The following ZSWIM4 variants were observed in gnomAD, a reference collection of about 807,000 sequenced individuals.
ZSWIM4 encodes zinc finger SWIM domain-containing protein 4.
ZSWIM4 carries 62 observed loss-of-function variants against 102.5 expected under a neutral mutation model. The ratio of observed to expected loss-of-function variants is 0.60; its 90% CI spans 0.49 to 0.75. ZSWIM4 has a LOEUF of 0.75. Among genes scored for constraint, ZSWIM4 ranks in the 30% least tolerant of loss-of-function variants. ZSWIM4 has a pLI of 0.00. For missense variants in ZSWIM4, 1,280 were observed against 1,529.6 expected (o/e 0.84, Z 2.72); for synonymous variants, 652 against 674.5 (o/e 0.97, Z 0.52).
Position 13,817,261 on chromosome 19 carries a change from GGGT to G in ZSWIM4, c.1580_1582del (p.Val527del), listed in dbSNP as rs765622673. On this transcript the variant is annotated inframe_deletion, in exon 8 of 14. Coordinates refer to ENST00000590508, the MANE Select transcript of ZSWIM4 (RefSeq NM_001367834.3). Reference sequence around the variant, plus strand: ...ACCTGCATCACCAACACCGAAGGATGGGTGGGGCACCCCCTGGACCCCATTGGC... The same window carrying G: ...ACCTGCATCACCAACACCGAAGGATGGGGGCACCCCCTGGACCCCATTGGC... 2 of 1,613,982 alleles carry G rather than the reference GGGT, an allele frequency of 1.2e-6. No individual in the cohort carries two copies. Among genetic ancestry groups the G allele is most frequent in the Non-Finnish European group, 1.7e-6 (2 of 1,179,882 alleles).
intron 3 of ZSWIM4, among the ~76,000 whole-genome samples, chr19:13,807,194 G>C (rs997594060): frequency 3.9e-5 from 6 of 151,996 alleles, no homozygotes; most frequent in Admixed American, 1.3e-4. Context: ...GGGTGAGTGG[G>C]CAGATAGATC....
At chr19:13,802,074 C>G (rs1974786609) in intron 2 of ZSWIM4, among the ~76,000 whole-genome samples, 1 of 150,454 alleles carries the variant, frequency 6.6e-6, no homozygotes, top group East Asian at 2.0e-4. Context: ...TTCCTGGGTT[C>G]ACACCATTCT....
chr19:13,812,875 C>A, intron 5 of ZSWIM4, 122 bp from the exon 6 acceptor site: 1 of 1,118,170 alleles, frequency 8.9e-7, no homozygotes, highest in Non-Finnish European at 1.3e-6. Context: ...CTGCGAGTTG[C>A]AACTTCCGAG....
At chr19:13,803,124 G>A (rs1568327851) in intron 2 of ZSWIM4, among the ~76,000 whole-genome samples, 1 of 152,230 alleles carries the variant, frequency 6.6e-6, no homozygotes, top group Non-Finnish European at 1.5e-5. Context: ...CTGATATGAT[G>A]CCCCGTCGGC....
chr19:13,831,212 G>C lies in ZSWIM4; in HGVS notation c.*162G>C. 1 of 898,544 alleles carries C rather than the reference G, an allele frequency of 1.1e-6. No homozygotes were observed. Among genetic ancestry groups the C allele is most frequent in the Non-Finnish European group, 1.6e-6 (1 of 613,800 alleles). 55.7% of individuals were successfully genotyped at this position (898,544 alleles called of 1,614,324 possible). A position where few individuals can be genotyped will look rare whatever the true frequency, so the allele number is the denominator to read the frequency against. On this transcript the variant is annotated 3_prime_UTR_variant, in exon 14 of 14. Coordinates refer to ENST00000590508, the MANE Select transcript of ZSWIM4 (RefSeq NM_001367834.3). ...GCAGCATCCTGCCACGTGTGTGCCT[G>C]GGAGTCTGTGAGCAAGTGTGCAAGA...
Position 13,830,457 on chromosome 19 carries a change from C to T in ZSWIM4, c.2728C>T (p.Leu910=). Residue 910 remains leucine (L), a synonymous_variant, in exon 14 of 14, where the codon CTG becomes TTG. Transcript: ENST00000590508. ...SAFEAAYQIV[L]DAAAGGLGHA... is the part of the protein sequence containing the mutation. ...CTTCGAGGCGGCCTACCAGATCGTGCTGGACGCGGCGGCCGGCGGCCTGGG... is the reference window on the plus strand; with the variant it reads ...CTTCGAGGCGGCCTACCAGATCGTGTTGGACGCGGCGGCCGGCGGCCTGGG... The T allele has an allele frequency of 1.2e-6, 2 of 1,605,928 alleles. No homozygotes were observed. Among genetic ancestry groups the T allele is most frequent in the Non-Finnish European group, 1.7e-6 (2 of 1,179,834 alleles).
intron 9 of ZSWIM4, 63 bp from the exon 10 acceptor site, chr19:13,819,294 G>C: frequency 6.3e-7 from 1 of 1,598,306 alleles, no homozygotes; most frequent in East Asian, 2.2e-5. Context: ...GGGGTCTAGT[G>C]AGACCTGGGG....
intron 5 of ZSWIM4, among the ~76,000 whole-genome samples, chr19:13,811,969 G>A (rs1446880601): frequency 6.6e-6 from 1 of 151,968 alleles, no homozygotes; most frequent in Non-Finnish European, 1.5e-5. Flanking sequence ...CAGCTACTTG[G>A]GAGGCTGAGG....
In ZSWIM4 at chr19:13,814,533, A is replaced by C; in HGVS notation, c.1199A>C (p.Glu400Ala). 8.6e-7 allele frequency: 1 copy of C among 1,159,098 alleles called. No homozygotes were observed. Among genetic ancestry groups the C allele is most frequent in the Non-Finnish European group, 1.1e-6 (1 of 919,930 alleles). The allele number at this position is 1,159,098 out of a possible 1,614,324, so 71.8% of individuals were successfully genotyped here. Residue 400 changes from glutamate (E) to alanine (A), a missense_variant, in exon 7 of 14, where the codon GAG (glutamate) becomes GCG (alanine). Glu to Ala is a moderately radical substitution (Grantham distance 107, BLOSUM62 -1). Transcript: ENST00000590508. ...APAPGSEEEE[E>A]VAATSPRHTV... The stretch of plus-strand genomic sequence containing the variant: ...TCTGCAGGCTCGGAGGAAGAGGAAG[A>C]GGTGGCAGCCACAAGTCCCCGCCAC...
At chr19:13,808,723 G>C (rs1974983706) in intron 3 of ZSWIM4, 113 bp from the exon 4 acceptor site, 1 of 1,171,254 alleles carries the variant, frequency 8.5e-7, no homozygotes, top group South Asian at 1.7e-5. Flanking sequence ...TGGGCAAGAA[G>C]AGCCAAACTC....
chr19:13,819,083 C>T (rs1267660020), intron 9 of ZSWIM4, among the ~76,000 whole-genome samples: 1 of 151,926 alleles, frequency 6.6e-6, no homozygotes, highest in Non-Finnish European at 1.5e-5. Flanking sequence ...CCAGGATGGT[C>T]TCGAACTCCT....
intron 8 of ZSWIM4, 92 bp downstream of exon 8, chr19:13,817,445 G>A (rs1975323989): frequency 3.3e-6 from 5 of 1,510,344 alleles, no homozygotes; most frequent in Non-Finnish European, 4.5e-6. Context: ...GTAACTCCCA[G>A]ACTCTGACCC....
intron 7 of ZSWIM4, among the ~76,000 whole-genome samples, 178 bp from the exon 8 acceptor site, chr19:13,817,038 C>T (rs1403638663): frequency 6.6e-6 from 1 of 152,094 alleles, no homozygotes; most frequent in Non-Finnish European, 1.5e-5. Flanking sequence ...CACTGCACTC[C>T]AGCCTGGGCA....
At position 13,809,126 on chromosome 19, in the gene ZSWIM4, G is replaced by T; in HGVS notation, c.918G>T (p.Met306Ile). Reference protein sequence around the residue: ...DSNGARMLILMTEQFLQDTRL... With the variant: ...DSNGARMLILITEQFLQDTRL... Reference sequence around the variant, plus strand: ...ACGGGGCGCGCATGCTGATTCTCATGACCGAGCAGTTCCTGCAGGACACGC... The same window carrying T: ...ACGGGGCGCGCATGCTGATTCTCATTACCGAGCAGTTCCTGCAGGACACGC... Residue 306 changes from methionine (M) to isoleucine (I), a missense_variant, in exon 5 of 14, where the codon ATG (methionine) becomes ATT (isoleucine). Coordinates refer to ENST00000590508, the MANE Select transcript of ZSWIM4 (RefSeq NM_001367834.3). The surrounding 1 kb of genome is among the most constrained non-coding windows in gnomAD (Gnocchi z 4.2). 6.2e-7 allele frequency: 1 copy of T among 1,613,816 alleles called. No individual in the cohort carries two copies. Among genetic ancestry groups the T allele is most frequent in the South Asian group, 1.1e-5 (1 of 91,034 alleles).
At position 13,810,909 on chromosome 19, in the gene ZSWIM4, C is replaced by CTTTT. The variant is rs58776366; in HGVS notation, c.1012+1708_1012+1711dup. ...ACAGGCGTGAGCCACCACGCCCAGCCTTTTTTTTTTTTTTTTTTTTTTGAG... is the reference window on the plus strand; with the variant it reads ...ACAGGCGTGAGCCACCACGCCCAGCCTTTTTTTTTTTTTTTTTTTTTTTTTTGAG... On this transcript the variant is annotated intron_variant, in intron 5 of 13. Coordinates refer to ENST00000590508, the MANE Select transcript of ZSWIM4 (RefSeq NM_001367834.3). Among the ~76,000 whole-genome samples the CTTTT allele has an allele frequency of 6.3e-3, 592 of 94,100 alleles. 18 individuals are homozygous for CTTTT. The highest frequency in any genetic ancestry group is 0.025 in the African/African-American group (560 of 22,730). The allele number at this position is 94,100 out of a possible 152,430, so 61.7% of individuals were successfully genotyped here. A position where few individuals can be genotyped will look rare whatever the true frequency, so the allele number is the denominator to read the frequency against.
Position 13,809,327 on chromosome 19 carries a change from T to C in ZSWIM4, c.1012+107T>C. 1 of 1,424,920 alleles carries C rather than the reference T, an allele frequency of 7.0e-7. No individual in the cohort carries two copies. Among genetic ancestry groups the C allele is most frequent in the Non-Finnish European group, 9.3e-7 (1 of 1,079,966 alleles). The allele number at this position is 1,424,920 out of a possible 1,614,324, so 88.3% of individuals were successfully genotyped here. A position where few individuals can be genotyped will look rare whatever the true frequency, so the allele number is the denominator to read the frequency against. Reference sequence around the variant, plus strand: ...TTCCCTGAATCCGCCCTCCATTCGTTTGGCAAACATTTATGAGCGCCTCTA... The same window carrying C: ...TTCCCTGAATCCGCCCTCCATTCGTCTGGCAAACATTTATGAGCGCCTCTA... On this transcript the variant is annotated intron_variant, in intron 5 of 13. Transcript: ENST00000590508. The surrounding 1 kb of genome is among the most constrained non-coding windows in gnomAD (Gnocchi z 4.2).
At position 13,799,832 on chromosome 19, in the gene ZSWIM4, C is replaced by T. The variant is rs966004581; in HGVS notation, c.266C>T (p.Pro89Leu). Residue 89 changes from proline (P) to leucine (L), a missense_variant, in exon 2 of 14, where the codon CCC (proline) becomes CTC (leucine). By Grantham distance (98) the Pro-to-Leu change is moderately conservative. Coordinates refer to ENST00000590508, the MANE Select transcript of ZSWIM4 (RefSeq NM_001367834.3). ...ATGTACTCGTCGCTGGGTTACCCGC[C>T]CCCAGAGGGCGAGCACGATGCCCGG... is the stretch of plus-strand genomic sequence containing the variant. ...ICMYSSLGYPPPEGEHDARVP... is the reference protein window; with the variant it reads ...ICMYSSLGYPLPEGEHDARVP... 6.2e-7 allele frequency: 1 copy of T among 1,613,790 alleles called. No individual in the cohort carries two copies. Among genetic ancestry groups the T allele is most frequent in the African/African-American group, 1.3e-5 (1 of 74,924 alleles).
In ZSWIM4 at chr19:13,823,455, A is replaced by AC. The variant is rs771980449; in HGVS notation, c.2173dup (p.Arg725ProfsTer4). ...CTGGTTCATCCTTGGCCACCTGGAG[A>AC]CCCGCCAGTGTGAACTGGCTTCCAC... is the stretch of plus-strand genomic sequence containing the variant. On this transcript the variant is annotated frameshift_variant, in exon 11 of 14. Transcript: ENST00000590508. LOFTEE classifies it high-confidence loss of function. 5 of 1,572,576 alleles carry AC rather than the reference A, an allele frequency of 3.2e-6. No homozygotes were observed. The highest frequency in any genetic ancestry group is 4.3e-6 in the Non-Finnish European group (5 of 1,158,270).
chr19:13,800,335 G>A (rs1974734424), intron 2 of ZSWIM4, among the ~76,000 whole-genome samples: 1 of 125,692 alleles, frequency 8.0e-6, no homozygotes, highest in African/African-American at 3.1e-5. Flanking sequence ...GCGCGATCTC[G>A]GCTCACTGCA....
Sources: allele counts gnomAD v4.1 joint callset (sites outside exome capture counted in the v4.1 genomes callset), GRCh38; gene constraint gnomAD v4.1.1; non-coding constraint Gnocchi (gnomAD v3.1); transcripts MANE v1.5; gene names NCBI Gene and HGNC (gene_info 2026-07-23, HGNC 2026-07-21).